The following CCDC171 variants were observed in gnomAD, a reference collection of about 807,000 sequenced individuals.
The protein encoded by CCDC171 is coiled-coil domain-containing protein 171.
CCDC171 carries 177 observed loss-of-function variants against 168.2 expected under a neutral mutation model. The ratio of observed to expected loss-of-function variants is 1.05; its 90% CI spans 0.93 to 1.19. CCDC171 has a LOEUF of 1.19. Among genes scored for constraint, CCDC171 ranks in the 50% most tolerant of loss-of-function variants. CCDC171 has a pLI of 0.00. For synonymous variants in CCDC171, 687 were observed against 540.8 expected (o/e 1.27, Z -3.75); for missense variants, 1,991 against 1,539.0 (o/e 1.29, Z -4.91).
chr9:15,762,641 C>G (rs1375726140), intron 18 of CCDC171, among the ~76,000 whole-genome samples: 1 of 152,108 alleles, frequency 6.6e-6, no homozygotes, highest in East Asian at 1.9e-4. Flanking sequence ...AGGACTTTTT[C>G]TTTTAAGCCA....
At chr9:16,100,092 C>T in the CCDC171 span, among the ~76,000 whole-genome samples, 1 of 152,050 alleles carries the variant, frequency 6.6e-6, no homozygotes, top group South Asian at 2.1e-4. Flanking sequence ...TTCAATAAAT[C>T]AGAAAACAAT....
chr9:15,782,134 G>T (rs1247137890), intron 20 of CCDC171, among the ~76,000 whole-genome samples: 1 of 152,190 alleles, frequency 6.6e-6, no homozygotes, highest in Non-Finnish European at 1.5e-5. Flanking sequence ...GCAACCATTT[G>T]TCTCTCGCTC....
At chr9:15,664,567 T>TACACACACACACACACACAC (rs34252519) in intron 8 of CCDC171, among the ~76,000 whole-genome samples, 39,040 of 143,636 alleles carry the variant, frequency 0.27, 6,149 homozygotes, top group East Asian at 0.42. Flanking sequence ...CTTAAATTTA[T>TACACACACACACACACACAC]ACACACACAC....
the CCDC171 span, among the ~76,000 whole-genome samples, chr9:16,096,503 C>G: frequency 1.3e-5 from 2 of 152,186 alleles, no homozygotes; most frequent in African/African-American, 4.8e-5. Flanking sequence ...TAGTATGTGC[C>G]TCTAGACCCC....
intron 18 of CCDC171, among the ~76,000 whole-genome samples, chr9:15,758,351 C>T (rs566613235): frequency 5.3e-5 from 8 of 152,296 alleles, no homozygotes; most frequent in African/African-American, 1.2e-4. Flanking sequence ...TTTGGACTTG[C>T]GTGGGGCCTG....
At chr9:15,804,997 C>T (rs947793903) in intron 21 of CCDC171, among the ~76,000 whole-genome samples, 18 of 151,956 alleles carry the variant, frequency 1.2e-4, no homozygotes, top group Admixed American at 1.0e-3. Context: ...GTATATGTGT[C>T]AAGGAATTTA....
intron 1 of CCDC171, among the ~76,000 whole-genome samples, chr9:15,563,199 T>A (rs989005365): frequency 1.3e-5 from 2 of 151,132 alleles, no homozygotes; most frequent in African/African-American, 4.9e-5. Context: ...AGTGCAATGG[T>A]GCAATCTTGG....
At chr9:15,904,838 A>C (rs1013916599) in intron 24 of CCDC171, among the ~76,000 whole-genome samples, 2 of 151,958 alleles carry the variant, frequency 1.3e-5, no homozygotes, top group Admixed American at 6.6e-5. Context: ...TCTACCAAGC[A>C]AATGGAAAAC....
At chr9:16,065,590 C>T (rs1329051721), downstream of CCDC171, among the ~76,000 whole-genome samples, 2 of 152,170 alleles carry the variant, frequency 1.3e-5, no homozygotes, top group Non-Finnish European at 2.9e-5. Context: ...ATGTGAGCAC[C>T]ACTCTGACAC....
In CCDC171 at chr9:15,892,387, G is replaced by C. The variant is rs554608532; in HGVS notation, c.3600+17724G>C. Among the ~76,000 whole-genome samples the C allele has an allele frequency of 1.4e-4, 22 of 152,222 alleles. No homozygotes were observed. In the South Asian group the frequency reaches 2.9e-3, roughly 20 times the overall value. On this transcript the variant is annotated intron_variant, in intron 24 of 25. Coordinates refer to ENST00000380701, the MANE Select transcript of CCDC171 (RefSeq NM_173550.4). ...TTGAGGTGTGTTCCTTCAATACCTA[G>C]TTTATTGTGAGTTTTTAACATGCAG...
At chr9:15,953,943 G>T (rs529907527) in intron 25 of CCDC171, among the ~76,000 whole-genome samples, 1 of 151,922 alleles carries the variant, frequency 6.6e-6, no homozygotes, top group Middle Eastern at 3.4e-3. Flanking sequence ...TTCATCGAGG[G>T]CATTCAATTT....
intron 10 of CCDC171, among the ~76,000 whole-genome samples, chr9:15,693,828 C>G (rs2051007720): frequency 6.6e-6 from 1 of 152,040 alleles, no homozygotes; most frequent in Non-Finnish European, 1.5e-5. Context: ...TTCTCTGACC[C>G]TTCCCTCCTT....
At position 15,561,965 on chromosome 9, in the gene CCDC171, T is replaced by C. The variant is rs114103080; in HGVS notation, c.-111-2013T>C. On this transcript the variant is annotated intron_variant, in intron 1 of 25. Transcript: ENST00000380701. Reference sequence around the variant, plus strand: ...TGCCTGCAGTTCTTTGCCATGTGGCTTCTTCCATGGGCAGTTCACAGCATG... The same window carrying C: ...TGCCTGCAGTTCTTTGCCATGTGGCCTCTTCCATGGGCAGTTCACAGCATG... 6.3e-3 allele frequency among the ~76,000 whole-genome samples: 956 copies of C among 152,224 alleles called. 8 individuals carry two copies. Among genetic ancestry groups the C allele is most frequent in the African/African-American group, 0.022 (930 of 41,546 alleles).
chr9:15,905,513 A>T lies in CCDC171; in HGVS notation c.3601-14757A>T, dbSNP rs562835795. On this transcript the variant is annotated intron_variant, in intron 24 of 25. Transcript: ENST00000380701. ...CAACATACCAGAATCTCTGGGACAC[A>T]TTCAAAGCAGTGTGTAGAGGGAAGT... Among the ~76,000 whole-genome samples the T allele has an allele frequency of 1.8e-3, 273 of 152,324 alleles. 1 individual carries two copies. Among genetic ancestry groups the T allele is most frequent in the African/African-American group, 6.3e-3 (261 of 41,572 alleles).
At chr9:15,712,533 C>T (rs557201557) in intron 11 of CCDC171, among the ~76,000 whole-genome samples, 1 of 152,300 alleles carries the variant, frequency 6.6e-6, no homozygotes, top group East Asian at 1.9e-4. Context: ...ATTTGGAATA[C>T]ATGATGGTGA....
intron 20 of CCDC171, 44 bp downstream of exon 20, chr9:15,779,194 A>G (rs1306953520): frequency 4.3e-6 from 5 of 1,166,440 alleles, no homozygotes; most frequent in East Asian, 2.9e-5. Context: ...GCTGATATAT[A>G]TTTCTTTATC....
At chr9:15,749,223 G>T (rs1197296816) in intron 18 of CCDC171, among the ~76,000 whole-genome samples, 1 of 151,426 alleles carries the variant, frequency 6.6e-6, no homozygotes, top group Non-Finnish European at 1.5e-5. Context: ...AAGAGACAAA[G>T]AAGGCCATTA....
At chr9:15,637,867 C>A (rs1022055917) in intron 7 of CCDC171, among the ~76,000 whole-genome samples, 3 of 151,910 alleles carry the variant, frequency 2.0e-5, no homozygotes, top group Non-Finnish European at 4.4e-5. Flanking sequence ...TCCAGTCTAT[C>A]CTTGTTGGAC....
intron 7 of CCDC171, among the ~76,000 whole-genome samples, chr9:15,630,543 A>G (rs1387241855): frequency 6.6e-6 from 1 of 151,956 alleles, no homozygotes. Context: ...TGAGTGACCT[A>G]CAAAGAGACT....
Sources: gnomAD v4.1 joint callset for allele counts (sites outside exome capture counted in the v4.1 genomes callset) on GRCh38, gnomAD v4.1.1 for gene constraint, MANE v1.5 for transcripts, NCBI Gene and HGNC (gene_info 2026-07-23, HGNC 2026-07-21) for gene names.